Variants in COL9A2 observed in about 807,000 individuals in gnomAD.
COL9A2 encodes the protein collagen type IX alpha 2 chain.
COL9A2 carries 66 observed loss-of-function variants against 111.6 expected under a neutral mutation model. The observed-to-expected ratio is 0.59, with a 90% CI of 0.48 to 0.73. The LOEUF is 0.73. Ranked by LOEUF, COL9A2 falls within the 30% of genes least tolerant of loss-of-function variation. The pLI is 0.00. For synonymous variants in COL9A2, 353 were observed against 364.1 expected (o/e 0.97, Z 0.35); for missense variants, 881 against 954.1 (o/e 0.92, Z 1.01).
At position 40,301,275 on chromosome 1, in the gene COL9A2, C is replaced by T; in HGVS notation, c.1977G>A (p.Gly659=). 1 of 1,613,900 alleles carries T rather than the reference C, an allele frequency of 6.2e-7. No individual in the cohort carries two copies. Among genetic ancestry groups the T allele is most frequent in the Non-Finnish European group, 8.5e-7 (1 of 1,179,892 alleles). The change falls in exon 32 of 32, where the codon GGG becomes GGA. Residue 659 remains glycine (G), a synonymous_variant. Transcript: ENST00000372748. ...AGRPGLPGPV[G]LPGFCEPAAC... ...CGGCAGGTTCACAGAAGCCCGGCAGCCCCACGGGGCCTGGCAGGCCAGGTC... is the reference window on the plus strand; with the variant it reads ...CGGCAGGTTCACAGAAGCCCGGCAGTCCCACGGGGCCTGGCAGGCCAGGTC...
At chr1:40,308,309 AGG>A in intron 16 of COL9A2, 64 bp from the exon 17 acceptor site, 1 of 1,539,334 alleles carries the variant, frequency 6.5e-7, no homozygotes. Context: ...CTGTGCAGAG[AGG>A]GGAACCACTG....
In COL9A2 at chr1:40,301,957, G is replaced by A. The variant is rs1369545597; in HGVS notation, c.1793-68C>T. On this transcript the variant is annotated intron_variant, in intron 30 of 31. Coordinates refer to ENST00000372748, the MANE Select transcript of COL9A2 (RefSeq NM_001852.4). Reference sequence around the variant, plus strand: ...ATGCTTTTCCTCTATTTTTTGCTATGTTTCACGCAAAGAAATTATTCCTGT... The same window carrying A: ...ATGCTTTTCCTCTATTTTTTGCTATATTTCACGCAAAGAAATTATTCCTGT... The A allele has an allele frequency of 3.4e-6, 5 of 1,454,944 alleles. No homozygotes were observed. The East Asian group carries it at 7.3e-5, about 21-fold the overall frequency. 90.1% of individuals were successfully genotyped at this position (1,454,944 alleles called of 1,614,324 possible). A position where few individuals can be genotyped will look rare whatever the true frequency, so the allele number is the denominator to read the frequency against.
chr1:40,304,630 G>C, intron 22 of COL9A2, 101 bp from the exon 23 acceptor site: 1 of 1,453,894 alleles, frequency 6.9e-7, no homozygotes, highest in South Asian at 1.2e-5. Context: ...CTCCATTCCT[G>C]CTGTCACTGG....
rs769564992 is a variant in COL9A2 at position 40,312,510 on chromosome 1, T to C, written c.340-31A>G. 3.1e-6 allele frequency: 5 copies of C among 1,613,856 alleles called. No individual in the cohort carries two copies. The Admixed American group carries it at 8.3e-5, about 27-fold the overall frequency. Reference sequence around the variant, plus strand: ...ACAGAAAGAAAGAAAATTGGCTTCATGGCTCCCTCTGCAGGTCCCCTCTCC... The same window carrying C: ...ACAGAAAGAAAGAAAATTGGCTTCACGGCTCCCTCTGCAGGTCCCCTCTCC... On this transcript the variant is annotated intron_variant, in intron 6 of 31. Coordinates refer to ENST00000372748, the MANE Select transcript of COL9A2 (RefSeq NM_001852.4). The surrounding 1 kb of genome is among the most constrained non-coding windows in gnomAD (Gnocchi z 6.0).
At position 40,303,092 on chromosome 1, in the gene COL9A2, C is replaced by A. The variant is rs199570298; in HGVS notation, c.1603+39G>T. On this transcript the variant is annotated intron_variant, in intron 29 of 31. Transcript: ENST00000372748. This position sits in a 1 kb window ranked among gnomAD's most constrained non-coding sequence, Gnocchi z 4.6. ...GGGAGGGGGTGAGGGGGCGGCGATG[C>A]CCTCGAACTGACTGTGAGGAGGGGT... 22 of 1,600,646 alleles carry A rather than the reference C, an allele frequency of 1.4e-5. No homozygotes were observed. The East Asian group carries it at 4.7e-4, about 34-fold the overall frequency.
Position 40,304,195 on chromosome 1 carries a change from C to T in COL9A2, c.1288-96G>A, listed in dbSNP as rs1487429132. ...CACACCCCTCTTTCCAACTCCGCCT[C>T]GCCGACCAGACCAGAACCCTGAGAT... is the stretch of plus-strand genomic sequence containing the variant. On this transcript the variant is annotated intron_variant, in intron 24 of 31. Transcript: ENST00000372748. 2.6e-6 allele frequency: 4 copies of T among 1,516,106 alleles called. No individual in the cohort carries two copies. The African/African-American group carries it at 5.5e-5, about 21-fold the overall frequency. 93.9% of individuals were successfully genotyped at this position (1,516,106 alleles called of 1,614,324 possible).
In COL9A2 at chr1:40,306,293, C is replaced by G. The variant is rs1644028806; in HGVS notation, c.1009-106G>C. 3.9e-6 allele frequency: 5 copies of G among 1,275,514 alleles called. No homozygotes were observed. The South Asian group carries it at 6.1e-5, about 15-fold the overall frequency. The allele number at this position is 1,275,514 out of a possible 1,614,324, so 79.0% of individuals were successfully genotyped here. On this transcript the variant is annotated intron_variant, in intron 19 of 31. Transcript: ENST00000372748. ...TCCAGATTTCCCCCACCTGTGGGAG[C>G]TGAACAACAGAAGGTCCAGCCACGG...
rs1467853111 is a variant in COL9A2, at chr1:40,315,641, G to T, written c.99C>A (p.Gly33=). ...CCGGCGGTCCCGGGGGACCCGGGGG[G>T]CCCCGCTCTCCCGGTGGACCTCTCT... ...AQIRGPPGER[G]PPGPPGPPGV... Residue 33 remains glycine (G), a synonymous_variant, in exon 2 of 32, where the codon GGC becomes GGA. Transcript: ENST00000372748. 2.6e-6 allele frequency: 4 copies of T among 1,554,046 alleles called. No homozygotes were observed. Among genetic ancestry groups the T allele is most frequent in the Admixed American group, 2.0e-5 (1 of 51,098 alleles).
In COL9A2 at chr1:40,303,742, G is replaced by C. The variant is rs1412900379; in HGVS notation, c.1401+65C>G. 9 of 1,544,748 alleles carry C rather than the reference G, an allele frequency of 5.8e-6. No homozygotes were observed. The highest frequency in any genetic ancestry group is 7.9e-6 in the Non-Finnish European group (9 of 1,143,154). ...GCGCCCGGGTGGGCGAGAGTGGGGG[G>C]TGGGGGTCGAGGAAGGGAGTGGCCG... On this transcript the variant is annotated intron_variant, in intron 27 of 31. Transcript: ENST00000372748. This position sits in a 1 kb window ranked among gnomAD's most constrained non-coding sequence, Gnocchi z 4.6.
intron 25 of COL9A2, 35 bp from the exon 26 acceptor site, chr1:40,304,007 CG>C: frequency 6.4e-7 from 1 of 1,569,334 alleles, no homozygotes; most frequent in Non-Finnish European, 8.6e-7. Flanking sequence ...CGCGCGGTGG[CG>C]GCGGGGACGC....
chr1:40,304,406 A>G lies in COL9A2; in HGVS notation c.1216-15T>C. The G allele has an allele frequency of 6.2e-7, 1 of 1,609,538 alleles. No individual in the cohort carries two copies. Among genetic ancestry groups the G allele is most frequent in the Non-Finnish European group, 8.5e-7 (1 of 1,177,950 alleles). The stretch of plus-strand genomic sequence containing the variant: ...CCCTTAGGGCCCTGAGGAGAAAAGA[A>G]ACCAAAGGAATAAATGGAATGAGGG... On this transcript the variant is annotated splice_polypyrimidine_tract_variant and intron_variant, in intron 23 of 31. Coordinates refer to ENST00000372748, the MANE Select transcript of COL9A2 (RefSeq NM_001852.4).
At chr1:40,308,348 T>G in intron 16 of COL9A2, 103 bp from the exon 17 acceptor site, 6 of 1,216,026 alleles carry the variant, frequency 4.9e-6, no homozygotes, top group Non-Finnish European at 7.1e-6. Context: ...GGTCCCAGAG[T>G]TCCTCTGGCA....
chr1:40,310,537 G>A lies in COL9A2; in HGVS notation c.684+177C>T, dbSNP rs1258188969. ...CCTCAGCCTGGGCTTCTTGCTGACA[G>A]CTTTGGTTCCTGTCCCTCATTCCTG... On this transcript the variant is annotated intron_variant, in intron 13 of 31. Coordinates refer to ENST00000372748, the MANE Select transcript of COL9A2 (RefSeq NM_001852.4). The surrounding 1 kb of genome is among the most constrained non-coding windows in gnomAD (Gnocchi z 4.9). Among the ~76,000 whole-genome samples the A allele has an allele frequency of 6.6e-6, 1 of 152,180 alleles. No homozygotes were observed. Among genetic ancestry groups the A allele is most frequent in the Non-Finnish European group, 1.5e-5 (1 of 68,030 alleles).
intron 16 of COL9A2, among the ~76,000 whole-genome samples, chr1:40,308,738 C>A (rs1247079902): frequency 6.6e-6 from 1 of 151,968 alleles, no homozygotes; most frequent in East Asian, 1.9e-4. Context: ...GAGATATGTA[C>A]AAAAGTATCT....
In COL9A2 at chr1:40,301,337, C is replaced by T. The variant is rs1190708241; in HGVS notation, c.1915G>A (p.Asp639Asn). Residue 639 changes from aspartate to asparagine, a missense_variant, in exon 32 of 32, where the codon GAT becomes AAT. Coordinates refer to ENST00000372748, the MANE Select transcript of COL9A2 (RefSeq NM_001852.4). ...PGQAINGKDG[D>N]RGSPGAPGEA... ...CCTGGAGCCCCTGGGGACCCTCGAT[C>T]TCCATCCTTGCCGTTGATTGCCTGG... is the stretch of plus-strand genomic sequence containing the variant. 23 of 1,610,162 alleles carry T rather than the reference C, an allele frequency of 1.4e-5. No homozygotes were observed. Among genetic ancestry groups the T allele is most frequent in the Non-Finnish European group, 2.0e-5 (23 of 1,177,412 alleles).
rs569557823 is a variant in COL9A2, at chr1:40,307,271, C to T, written c.1008+175G>A. ...AGCCAACATGGAGGACTGGAATGGC[C>T]AAAGAGAAGGCTAGAGTAATTGTCC... On this transcript the variant is annotated intron_variant, in intron 19 of 31. Transcript: ENST00000372748. This position sits in a 1 kb window ranked among gnomAD's most constrained non-coding sequence, Gnocchi z 4.8. Among the ~76,000 whole-genome samples the T allele has an allele frequency of 2.8e-4, 42 of 152,238 alleles. 1 individual carries two copies. The highest frequency in any genetic ancestry group is 9.6e-4 in the African/African-American group (40 of 41,538).
chr1:40,312,467 C>G lies in COL9A2; in HGVS notation c.352G>C (p.Ala118Pro), dbSNP rs747104088. ...CCCTGAGGACTTACAGGAGGTCCAG[C>G]AAAACCAGGGCCCTGGAACAGAAAG... ...GPPGLPGPGFAGPPGPPGPVG... is the reference protein window; with the variant it reads ...GPPGLPGPGFPGPPGPPGPVG... The change falls in exon 7 of 32, where the codon GCT becomes CCT. Residue 118 changes from alanine to proline, a missense_variant. Transcript: ENST00000372748. The surrounding 1 kb of genome is among the most constrained non-coding windows in gnomAD (Gnocchi z 6.0). 5 of 1,613,744 alleles carry G rather than the reference C, an allele frequency of 3.1e-6. No homozygotes were observed. The highest frequency in any genetic ancestry group is 1.7e-5 in the Admixed American group (1 of 59,982).
chr1:40,312,628 A>T lies in COL9A2; in HGVS notation c.304-19T>A, dbSNP rs1209321064. 2 of 1,613,494 alleles carry T rather than the reference A, an allele frequency of 1.2e-6. No individual in the cohort carries two copies. The highest frequency in any genetic ancestry group is 2.2e-5 in the South Asian group (2 of 90,902). ...GCTGGCCCTGCAGAAGCAACGAGAA[A>T]GGCTCAGAGGCTGGGGTTTCCCCGG... On this transcript the variant is annotated intron_variant, in intron 5 of 31. Transcript: ENST00000372748. The surrounding 1 kb of genome is among the most constrained non-coding windows in gnomAD (Gnocchi z 6.0).
chr1:40,308,444 T>G (rs902445885), intron 16 of COL9A2, among the ~76,000 whole-genome samples, 199 bp from the exon 17 acceptor site: 4 of 152,278 alleles, frequency 2.6e-5, no homozygotes, highest in African/African-American at 9.6e-5. Flanking sequence ...GAGAAGTCAG[T>G]GCCAGGAGGC....
Sources: allele counts gnomAD v4.1 joint callset (sites outside exome capture counted in the v4.1 genomes callset), GRCh38; gene constraint gnomAD v4.1.1; non-coding constraint Gnocchi (gnomAD v3.1); transcripts MANE v1.5; gene names NCBI Gene and HGNC (gene_info 2026-07-23, HGNC 2026-07-21).